NTM: variants seen among roughly 807,000 people sequenced by gnomAD.
NTM encodes neurotrimin.
A neutral mutation model predicts 42.1 loss-of-function variants in NTM; 13 were observed. The observed-to-expected ratio is 0.31, with a 90% confidence interval of 0.20 to 0.49. NTM has a LOEUF of 0.49. NTM is among the 20% of genes least tolerant of loss of function. The pLI is 0.99. For missense variants in NTM, 373 were observed against 452.8 expected, an observed-to-expected ratio of 0.82 and a Z score of 1.60; for synonymous variants, 187 against 179.2, an observed-to-expected ratio of 1.04 and a Z score of -0.35.
chr11:131,447,665 A>G (rs1421554635), intron 1 of NTM, among the ~76,000 whole-genome samples: 1 of 152,158 alleles, frequency 6.6e-6, no homozygotes, highest in African/African-American at 2.4e-5. Flanking sequence ...TGACACCACA[A>G]TTATTATTAA....
intron 2 of NTM, among the ~76,000 whole-genome samples, chr11:131,988,118 A>G (rs1276772224): frequency 6.6e-6 from 1 of 152,202 alleles, no homozygotes; most frequent in African/African-American, 2.4e-5. Flanking sequence ...CTGTGTCCTC[A>G]CATAGTGGAA....
chr11:131,439,331 T>A (rs1019677434), intron 1 of NTM, among the ~76,000 whole-genome samples: 2 of 152,172 alleles, frequency 1.3e-5, no homozygotes, highest in Non-Finnish European at 2.9e-5. Context: ...GAACCACTGC[T>A]CTCTTCAGAG....
chr11:131,744,486 G>A (rs1476028039), intron 1 of NTM, among the ~76,000 whole-genome samples: 1 of 152,114 alleles, frequency 6.6e-6, no homozygotes, highest in Non-Finnish European at 1.5e-5. Flanking sequence ...TATCCTGGGG[G>A]AAAGTATCTC....
chr11:131,910,697 C>A (rs2054688804), intron 1 of NTM: 7 of 327,614 alleles, frequency 2.1e-5, no homozygotes, highest in Non-Finnish European at 3.1e-5. Flanking sequence ...GTGCGGGCTG[C>A]GCCGCGCCTT....
intron 1 of NTM, among the ~76,000 whole-genome samples, chr11:131,434,974 T>C (rs1949004739): frequency 6.6e-6 from 1 of 152,226 alleles, no homozygotes; most frequent in African/African-American, 2.4e-5. Context: ...GTCTAAGGCG[T>C]AAGGAAGGGA....
chr11:132,112,841 T>G (rs1233476833), intron 2 of NTM, among the ~76,000 whole-genome samples: 1 of 152,066 alleles, frequency 6.6e-6, no homozygotes, highest in Non-Finnish European at 1.5e-5. Flanking sequence ...TAGCTTTGAA[T>G]GAAAACAACA....
chr11:132,273,496 T>C (rs1006807585), intron 4 of NTM, among the ~76,000 whole-genome samples: 5 of 152,118 alleles, frequency 3.3e-5, no homozygotes, highest in Admixed American at 3.3e-4. Context: ...ATAATAGGTA[T>C]CAGTTCTTCA....
chr11:131,851,280 T>C (rs1196360693), intron 1 of NTM, among the ~76,000 whole-genome samples: 4 of 152,154 alleles, frequency 2.6e-5, no homozygotes, highest in African/African-American at 9.7e-5. Flanking sequence ...TGTTGAATAC[T>C]GGGCAAGGAA....
At chr11:131,483,450 T>A (rs1953828809) in intron 1 of NTM, among the ~76,000 whole-genome samples, 1 of 152,194 alleles carries the variant, frequency 6.6e-6, no homozygotes, top group Non-Finnish European at 1.5e-5. Flanking sequence ...TCCTTTGTGG[T>A]CATGAAGTTA....
intron 2 of NTM, among the ~76,000 whole-genome samples, chr11:131,964,533 G>A (rs948846919): frequency 5.9e-5 from 9 of 152,100 alleles, no homozygotes; most frequent in African/African-American, 1.9e-4. Context: ...AGCAAGTAGA[G>A]AAATTAAGGC....
At chr11:131,708,495 A>C (rs1252760149) in intron 1 of NTM, among the ~76,000 whole-genome samples, 5 of 152,184 alleles carry the variant, frequency 3.3e-5, no homozygotes, top group Non-Finnish European at 5.9e-5. Context: ...AATATATGAA[A>C]ATACACCTGT....
chr11:131,548,195 A>C (rs937456111), intron 1 of NTM, among the ~76,000 whole-genome samples: 6 of 151,974 alleles, frequency 3.9e-5, no homozygotes, highest in African/African-American at 1.5e-4. Flanking sequence ...GTAGTTAATA[A>C]ATCTTAGTTT....
intron 1 of NTM, among the ~76,000 whole-genome samples, chr11:131,505,711 A>G (rs1190835801): frequency 6.6e-6 from 1 of 152,176 alleles, no homozygotes; most frequent in African/African-American, 2.4e-5. Flanking sequence ...CGGAAAGGAC[A>G]CGGTGGCCAC....
At chr11:132,001,912 A>G (rs886864951) in intron 2 of NTM, among the ~76,000 whole-genome samples, 3 of 152,166 alleles carry the variant, frequency 2.0e-5, no homozygotes, top group African/African-American at 4.8e-5. Flanking sequence ...GTAATTAGAC[A>G]GGTATGGATG....
intron 1 of NTM, among the ~76,000 whole-genome samples, chr11:131,590,829 C>G (rs1299066976): frequency 6.6e-6 from 1 of 152,184 alleles, no homozygotes; most frequent in Non-Finnish European, 1.5e-5. Context: ...TAACCCAGGT[C>G]TGGCCCCAAA....
At chr11:131,719,266 G>C (rs1342169717) in intron 1 of NTM, among the ~76,000 whole-genome samples, 1 of 152,130 alleles carries the variant, frequency 6.6e-6, no homozygotes, top group Non-Finnish European at 1.5e-5. Flanking sequence ...CAGTGGGAAG[G>C]TAATCAGGTC....
intron 7 of NTM, among the ~76,000 whole-genome samples, chr11:132,320,292 ACAGTGGGTGCAGGT>A (rs1468967584): frequency 4.6e-5 from 7 of 152,340 alleles, no homozygotes; most frequent in Middle Eastern, 3.4e-3. Flanking sequence ...GGAGTGCCAG[ACAGTGGGTGCAGGT>A]CAGTGGGTGC....
At chr11:131,474,595 C>A (rs1446647807) in intron 1 of NTM, among the ~76,000 whole-genome samples, 10 of 152,088 alleles carry the variant, frequency 6.6e-5, no homozygotes, top group Admixed American at 6.6e-4. Context: ...CTTCTGAATT[C>A]TCTTTCTTGA....
At chr11:131,920,015 ATTTC>A (rs1212447900) in intron 2 of NTM, among the ~76,000 whole-genome samples, 1 of 152,154 alleles carries the variant, frequency 6.6e-6, no homozygotes, top group African/African-American at 2.4e-5. Flanking sequence ...GAAGAAAGAT[ATTTC>A]TTTGTTTTTC....
Sources: allele counts gnomAD v4.1 joint callset (sites outside exome capture counted in the v4.1 genomes callset), GRCh38; gene constraint gnomAD v4.1.1; transcripts MANE v1.5; gene names NCBI Gene and HGNC (gene_info 2026-07-23, HGNC 2026-07-21).